NOL4: variants seen among roughly 807,000 people sequenced by gnomAD.
NOL4 encodes the protein cancer/testis antigen 125.
A neutral mutation model predicts 75.9 loss-of-function variants in NOL4; 17 were observed. That is an observed-to-expected ratio of 0.22 (90% confidence interval 0.15 to 0.34). The LOEUF is 0.34. Among genes scored for constraint, NOL4 ranks in the 10% least tolerant of loss-of-function variants. The pLI is 1.00. For synonymous variants in NOL4, 292 were observed against 289.9 expected, an observed-to-expected ratio of 1.01 and a Z score of -0.07; for missense variants, 614 against 793.5, an observed-to-expected ratio of 0.77 and a Z score of 2.72.
At chr18:34,024,732 A>G (rs2075260993) in intron 5 of NOL4, among the ~76,000 whole-genome samples, 1 of 152,170 alleles carries the variant, frequency 6.6e-6, no homozygotes, top group South Asian at 2.1e-4. Context: ...CTGGAATAAT[A>G]TACATAGTAT....
At chr18:33,859,585 A>T (rs1236361546) in intron 10 of NOL4, among the ~76,000 whole-genome samples, 1 of 151,982 alleles carries the variant, frequency 6.6e-6, no homozygotes, top group Non-Finnish European at 1.5e-5. Context: ...AGGCTTTATT[A>T]TTGGGGTACA....
intron 1 of NOL4, among the ~76,000 whole-genome samples, chr18:34,166,853 A>C (rs918709256): frequency 2.0e-5 from 1 of 49,226 alleles, no homozygotes; most frequent in Non-Finnish European, 4.7e-5. Context: ...CTGGCTAACA[A>C]GGTGAAACCC....
chr18:34,223,129 C>A lies in NOL4; in HGVS notation c.125G>T (p.Gly42Val). The change falls in exon 1 of 11, where the codon GGC becomes GTC. Residue 42 changes from glycine (G) to valine (V), a missense_variant. Around this residue, in one of 9 missense-constraint regions of NOL4, gnomAD observed 35 missense variants for 29.2 expected, o/e 1.20. Transcript: ENST00000261592. ...GTTGTCCGTGGAGCTCGACTCGGAG[C>A]CATTGAGGAGCTGGACGATCCGTTC... Reference protein sequence around the residue: ...KYERIVQLLNGSESSSTDNAK... With the variant: ...KYERIVQLLNVSESSSTDNAK... 6.2e-7 allele frequency: 1 copy of A among 1,614,198 alleles called. No homozygotes were observed. Among genetic ancestry groups the A allele is most frequent in the Non-Finnish European group, 8.5e-7 (1 of 1,180,044 alleles).
intron 1 of NOL4, among the ~76,000 whole-genome samples, chr18:34,184,792 G>A (rs1307088441): frequency 6.6e-6 from 1 of 152,060 alleles, no homozygotes; most frequent in African/African-American, 2.4e-5. Flanking sequence ...CTGACATGTG[G>A]GAGCAATCAA....
At chr18:34,126,766 C>T (rs930539622) in intron 2 of NOL4, among the ~76,000 whole-genome samples, 1 of 151,992 alleles carries the variant, frequency 6.6e-6, no homozygotes, top group African/African-American at 2.4e-5. Flanking sequence ...TTTATAATGC[C>T]ACATCATTAA....
chr18:34,096,192 A>G (rs774489683), intron 4 of NOL4, among the ~76,000 whole-genome samples: 7 of 152,152 alleles, frequency 4.6e-5, no homozygotes, highest in Non-Finnish European at 7.4e-5. Context: ...ATACTTATGT[A>G]TTTTTGTAAT....
At position 34,093,515 on chromosome 18, in the gene NOL4, T is replaced by C. The variant is rs756602688; in HGVS notation, c.722A>G (p.Asn241Ser). 3.1e-6 allele frequency: 5 copies of C among 1,608,224 alleles called. No individual in the cohort carries two copies. The highest frequency in any genetic ancestry group is 4.5e-5 in the East Asian group (2 of 44,630). ...GGGACTTTGCATTCTTTCTTCAAGATTGGAGCTAAGATCAGAGTTCACAGC... is the reference window on the plus strand; with the variant it reads ...GGGACTTTGCATTCTTTCTTCAAGACTGGAGCTAAGATCAGAGTTCACAGC... ...MSAVNSDLSSNLEERMQSPQN... is the reference protein window; with the variant it reads ...MSAVNSDLSSSLEERMQSPQN... Residue 241 changes from asparagine (N) to serine (S), a missense_variant, in exon 5 of 11, where the codon AAT becomes AGT. This residue lies in a region of NOL4 where 135 missense variants were observed against 220.4 expected (regional missense o/e 0.61). Coordinates refer to ENST00000261592, the MANE Select transcript of NOL4 (RefSeq NM_003787.5).
intron 9 of NOL4, among the ~76,000 whole-genome samples, chr18:33,936,657 C>T (rs985591970): frequency 1.9e-4 from 29 of 152,076 alleles, no homozygotes; most frequent in Admixed American, 1.4e-3. Flanking sequence ...CTGCTGGGCT[C>T]CTGCTGGGGA....
chr18:33,920,078 T>C (rs1305866815), intron 9 of NOL4, among the ~76,000 whole-genome samples: 1 of 152,198 alleles, frequency 6.6e-6, no homozygotes, highest in Admixed American at 6.5e-5. Context: ...ATATCTATCA[T>C]TGATTTTAGA....
chr18:34,195,024 G>A (rs548804052), intron 1 of NOL4, among the ~76,000 whole-genome samples: 8 of 132,622 alleles, frequency 6.0e-5, no homozygotes, highest in East Asian at 2.4e-4. Flanking sequence ...GCGAAACTCC[G>A]TCTCAAAAAA....
intron 6 of NOL4, among the ~76,000 whole-genome samples, chr18:33,980,510 C>A (rs908681590): frequency 8.6e-5 from 13 of 151,860 alleles, no homozygotes; most frequent in African/African-American, 3.1e-4. Context: ...GCCTAAATTG[C>A]TGTGGTTTTA....
At chr18:33,993,570 A>G (rs1227884412) in intron 6 of NOL4, among the ~76,000 whole-genome samples, 2 of 151,934 alleles carry the variant, frequency 1.3e-5, no homozygotes, top group African/African-American at 4.8e-5. Flanking sequence ...AATATATGCA[A>G]AGGAACAGGA....
At chr18:34,123,386 T>C (rs1026434737) in intron 2 of NOL4, among the ~76,000 whole-genome samples, 18 of 151,598 alleles carry the variant, frequency 1.2e-4, no homozygotes, top group African/African-American at 4.3e-4. Context: ...CTGTAGCTAA[T>C]ATTTAGAAAT....
In NOL4 at chr18:33,989,931, T is replaced by C. The variant is rs1311222833; in HGVS notation, c.1056+29387A>G. Among the ~76,000 whole-genome samples, 4 of 152,198 alleles carry C rather than the reference T, an allele frequency of 2.6e-5. No homozygotes were observed. The East Asian group carries it at 7.7e-4, about 29-fold the overall frequency. The stretch of plus-strand genomic sequence containing the variant: ...TCATGATCACATATCAGAATATAAA[T>C]GAGTTGATTATTTTGTTTACCAAAT... On this transcript the variant is annotated intron_variant, in intron 6 of 10. Transcript: ENST00000261592.
intron 1 of NOL4, among the ~76,000 whole-genome samples, chr18:34,213,027 C>T (rs1438802582): frequency 6.6e-6 from 1 of 152,102 alleles, no homozygotes; most frequent in African/African-American, 2.4e-5. Flanking sequence ...GTCATGTTCA[C>T]AGATGCTGCC....
chr18:34,185,275 C>A (rs1481723398), intron 1 of NOL4, among the ~76,000 whole-genome samples: 1 of 152,124 alleles, frequency 6.6e-6, no homozygotes, highest in Non-Finnish European at 1.5e-5. Context: ...TACAAGACTT[C>A]TAATCAGAAA....
intron 5 of NOL4, among the ~76,000 whole-genome samples, chr18:34,024,075 G>A (rs1402106274): frequency 2.0e-5 from 3 of 150,620 alleles, no homozygotes; most frequent in African/African-American, 4.9e-5. Context: ...AAGTGTGTGT[G>A]TGTATATGTA....
chr18:33,933,914 T>C, intron 9 of NOL4, among the ~76,000 whole-genome samples: 1 of 152,136 alleles, frequency 6.6e-6, no homozygotes, highest in African/African-American at 2.4e-5. Flanking sequence ...TCAAAAGGTT[T>C]TCAATTTCCT....
chr18:34,030,930 G>GT (rs2075609071), intron 5 of NOL4, among the ~76,000 whole-genome samples: 2 of 102,266 alleles, frequency 2.0e-5, no homozygotes, highest in South Asian at 6.5e-4. Context: ...ATCAAAATAT[G>GT]TAAAAAAATA....
Sources: gnomAD v4.1 joint callset for allele counts (sites outside exome capture counted in the v4.1 genomes callset) on GRCh38, gnomAD v4.1.1 for gene constraint, gnomAD v4.1.1 regional missense constraint, MANE v1.5 for transcripts, NCBI Gene and HGNC (gene_info 2026-07-23, HGNC 2026-07-21) for gene names.